Variants in ZC3H7A observed in about 807,000 individuals in gnomAD.
ZC3H7A encodes zinc finger CCCH domain-containing protein 7A.
A neutral mutation model predicts 125.5 loss-of-function variants in ZC3H7A; 44 were observed. The ratio of observed to expected loss-of-function variants is 0.35; its 90% CI spans 0.28 to 0.45. The LOEUF (loss-of-function observed/expected upper bound fraction) is 0.45. ZC3H7A is among the 20% of genes least tolerant of loss of function. The pLI is 1.00. For missense variants in ZC3H7A, 977 were observed against 1,170.7 expected (o/e 0.83, Z 2.41); for synonymous variants, 399 against 391.2 (o/e 1.02, Z -0.23).
Position 11,779,178 on chromosome 16 carries a change from G to T in ZC3H7A, c.294C>A (p.Cys98Ter). 6.3e-7 allele frequency: 1 copy of T among 1,597,184 alleles called. No homozygotes were observed. Among genetic ancestry groups the T allele is most frequent in the Non-Finnish European group, 8.6e-7 (1 of 1,167,682 alleles). Residue 98 changes from cysteine (C) to a stop codon, truncating the protein, a stop_gained, in exon 4 of 23, where the codon TGC becomes TGA. Coordinates refer to ENST00000355758, the MANE Select transcript of ZC3H7A (RefSeq NM_014153.4). LOFTEE classifies it high-confidence loss of function. The part of the protein sequence containing the change: ...IEKLYINRIA[C>*]YSNMGFHDKV... ...AATTACAACTCACCATATTAGAATA[G>T]CAGGCAATACGATTTATATATAGTT...
intron 1 of ZC3H7A, 192 bp downstream of exon 1, chr16:11,796,932 G>C (rs2053448626): frequency 6.7e-6 from 1 of 149,554 alleles, no homozygotes; most frequent in Admixed American, 6.6e-5. Context: ...CCCTCCGCGC[G>C]CACAGGCCCC....
Position 11,751,094 on chromosome 16 carries a change from C to G in ZC3H7A, c.*223G>C. 4.5e-6 allele frequency: 2 copies of G among 444,622 alleles called. No homozygotes were observed. The highest frequency in any genetic ancestry group is 8.0e-6 in the Non-Finnish European group (2 of 250,164). The allele number at this position is 444,622 out of a possible 1,614,324, so 27.5% of individuals were successfully genotyped here. On this transcript the variant is annotated 3_prime_UTR_variant, in exon 23 of 23. Coordinates refer to ENST00000355758, the MANE Select transcript of ZC3H7A (RefSeq NM_014153.4). ...CAAAAGTCTGTTCAACAGATGGCAACCGGGTAGCAGTCACTTCACCATCTG... is the reference window on the plus strand; with the variant it reads ...CAAAAGTCTGTTCAACAGATGGCAAGCGGGTAGCAGTCACTTCACCATCTG...
rs773909434 is a variant in ZC3H7A, at chr16:11,751,390, C to T, written c.2843G>A (p.Arg948Gln). The change falls in exon 23 of 23, where the codon CGA becomes CAA. Residue 948 changes from arginine (R) to glutamine (Q), a missense_variant. By Grantham distance (43) the Arg-to-Gln change is conservative. Around this residue, in one of 3 missense-constraint regions of ZC3H7A, gnomAD observed 436 missense variants for 603.2 expected, o/e 0.72. Transcript: ENST00000355758. ...DALKMKLNKA[R>Q]KDHLIGPNDN... ...ATTTGGGCCAATTAAGTGATCTTTT[C>T]GTGCTTTGTTGAGCTTCATCTTTAG... 2 of 1,614,126 alleles carry T rather than the reference C, an allele frequency of 1.2e-6. No homozygotes were observed. Among genetic ancestry groups the T allele is most frequent in the South Asian group, 1.1e-5 (1 of 91,052 alleles).
At chr16:11,796,596 GC>G (rs951757168) in intron 1 of ZC3H7A, 1 of 153,556 alleles carries the variant, frequency 6.5e-6, no homozygotes. Flanking sequence ...CCCGGGCGGC[GC>G]CCCCGCCTCC....
At chr16:11,777,008 T>C in intron 4 of ZC3H7A, 99 bp from the exon 5 acceptor site, 1 of 927,760 alleles carries the variant, frequency 1.1e-6, no homozygotes, top group Non-Finnish European at 1.5e-6. Flanking sequence ...CCCATCCTAT[T>C]ACCCTCCCTC....
chr16:11,772,831 C>T (rs764261195), intron 9 of ZC3H7A, among the ~76,000 whole-genome samples: 14 of 151,444 alleles, frequency 9.2e-5, no homozygotes, highest in East Asian at 1.9e-4. Flanking sequence ...CAAGTAGCTG[C>T]GATTACAGAT....
chr16:11,779,456 A>G, intron 3 of ZC3H7A, 93 bp from the exon 4 acceptor site: 1 of 1,084,452 alleles, frequency 9.2e-7, no homozygotes, highest in South Asian at 1.6e-5. Context: ...TTCACAGGAA[A>G]CAATGTGACA....
intron 21 of ZC3H7A, among the ~76,000 whole-genome samples, chr16:11,754,611 G>A (rs938527342): frequency 1.3e-5 from 2 of 152,122 alleles, no homozygotes; most frequent in African/African-American, 4.8e-5. Context: ...AATAAATGTA[G>A]CTGGGCACGG....
At chr16:11,787,284 C>A (rs2053270447) in intron 1 of ZC3H7A, among the ~76,000 whole-genome samples, 1 of 152,158 alleles carries the variant, frequency 6.6e-6, no homozygotes, top group Non-Finnish European at 1.5e-5. Flanking sequence ...ACCTGGGCAA[C>A]AGAACAAGAT....
chr16:11,771,085 G>T, intron 9 of ZC3H7A, 98 bp from the exon 10 acceptor site: 1 of 1,191,194 alleles, frequency 8.4e-7, no homozygotes, highest in Middle Eastern at 2.4e-4. Flanking sequence ...TATTACACTG[G>T]GAGATCACGT....
intron 9 of ZC3H7A, 93 bp downstream of exon 9, chr16:11,774,143 T>C (rs1567385004): frequency 1.6e-6 from 2 of 1,227,872 alleles, no homozygotes; most frequent in Admixed American, 3.5e-5. Context: ...ATTCAGCCTA[T>C]ATGCAATACT....
chr16:11,761,346 AT>A, intron 19 of ZC3H7A, 59 bp downstream of exon 19: 5 of 1,470,972 alleles, frequency 3.4e-6, no homozygotes, highest in Non-Finnish European at 4.8e-6. Flanking sequence ...AATTACTACT[AT>A]TTTCTAATGA....
intron 20 of ZC3H7A, among the ~76,000 whole-genome samples, chr16:11,756,888 T>A (rs1188003863): frequency 6.6e-6 from 1 of 152,202 alleles, no homozygotes; most frequent in Non-Finnish European, 1.5e-5. Context: ...AGGGCGGATA[T>A]GCTGGGCTGC....
intron 7 of ZC3H7A, 111 bp downstream of exon 7, chr16:11,776,209 G>A (rs2053077630): frequency 9.6e-7 from 1 of 1,043,822 alleles, no homozygotes; most frequent in Non-Finnish European, 1.4e-6. Context: ...ACGTGTTTGA[G>A]GAATTAAAAA....
rs184863423 is a variant in ZC3H7A, at chr16:11,774,082, G to T, written c.903+154C>A. Among the ~76,000 whole-genome samples the T allele has an allele frequency of 2.1e-3, 311 of 151,518 alleles. 3 individuals carry two copies. The highest frequency in any genetic ancestry group is 7.4e-3 in the African/African-American group (305 of 41,246). On this transcript the variant is annotated intron_variant, in intron 9 of 22. Coordinates refer to ENST00000355758, the MANE Select transcript of ZC3H7A (RefSeq NM_014153.4). ...TATTTCAAAATGATCAAATTAACCA[G>T]TTTCAGTAGAGAAGAAAAAAAGTAA...
chr16:11,796,241 T>C (rs2053434270), intron 1 of ZC3H7A: 1 of 152,228 alleles, frequency 6.6e-6, no homozygotes, highest in African/African-American at 2.4e-5. Context: ...TTACTTTCTT[T>C]CTCATCCGAA....
rs753036258 is a variant in ZC3H7A at position 11,751,281 on chromosome 16, T to C, written c.*36A>G. ...GAACACTTTCAATTTTTCTGGTCAA[T>C]GCTCTGATTAGGTATCATACATAAA... On this transcript the variant is annotated 3_prime_UTR_variant, in exon 23 of 23. Transcript: ENST00000355758. The C allele has an allele frequency of 6.4e-7, 1 of 1,569,514 alleles. No individual in the cohort carries two copies. The highest frequency in any genetic ancestry group is 8.6e-7 in the Non-Finnish European group (1 of 1,157,572).
At position 11,768,326 on chromosome 16, in the gene ZC3H7A, A is replaced by C. The variant is rs762581566; in HGVS notation, c.1349T>G (p.Phe450Cys). The C allele has an allele frequency of 6.5e-7, 1 of 1,544,632 alleles. No homozygotes were observed. Among genetic ancestry groups the C allele is most frequent in the Non-Finnish European group, 8.8e-7 (1 of 1,137,624 alleles). Residue 450 changes from phenylalanine (F) to cysteine (C), a missense_variant, in exon 12 of 23, where the codon TTT becomes TGT. Coordinates refer to ENST00000355758, the MANE Select transcript of ZC3H7A (RefSeq NM_014153.4). ...HELRQACQIC[F>C]VKSGPKLMDF... is the part of the protein sequence containing the mutation. Reference sequence around the variant, plus strand: ...TGTTTGGTCCTGACCTGATTTTACAAAACAGATCTGGCAAGCTTGTCTCAA... The same window carrying C: ...TGTTTGGTCCTGACCTGATTTTACACAACAGATCTGGCAAGCTTGTCTCAA...
Position 11,767,547 on chromosome 16 carries a change from A to T in ZC3H7A, c.1392T>A (p.Ala464=). 1 of 1,603,134 alleles carries T rather than the reference A, an allele frequency of 6.2e-7. No individual in the cohort carries two copies. The highest frequency in any genetic ancestry group is 8.5e-7 in the Non-Finnish European group (1 of 1,175,934). The change falls in exon 13 of 23, where the codon GCT becomes GCA. Residue 464 remains alanine (A), a synonymous_variant. Coordinates refer to ENST00000355758, the MANE Select transcript of ZC3H7A (RefSeq NM_014153.4). ...CTTTCTTACACTTATGATCTATGTT[A>T]GCATGGTAAGTGAAATCCATTAACT... ...GPKLMDFTYH[A]NIDHKCKKDI... is the part of the protein sequence containing the mutation.
Sources: gnomAD v4.1 joint callset for allele counts (sites outside exome capture counted in the v4.1 genomes callset) on GRCh38, gnomAD v4.1.1 for gene constraint, gnomAD v4.1.1 regional missense constraint, MANE v1.5 for transcripts, NCBI Gene and HGNC (gene_info 2026-07-23, HGNC 2026-07-21) for gene names.